RAD51B: variants seen among roughly 807,000 people sequenced by gnomAD.
The protein encoded by RAD51B is DNA repair protein RAD51 homolog 2.
RAD51B carries 38 observed loss-of-function variants against 42.2 expected under a neutral mutation model. That is an observed-to-expected ratio of 0.90 (90% CI 0.70 to 1.18). The LOEUF (loss-of-function observed/expected upper bound fraction) is 1.18. Among genes scored for constraint, RAD51B ranks in the 50% most tolerant of loss-of-function variants. The pLI, the probability that RAD51B is intolerant of heterozygous loss-of-function variation, is 0.00. For synonymous variants in RAD51B, 154 were observed against 145.2 expected (o/e 1.06, Z -0.43); for missense variants, 373 against 400.7 (o/e 0.93, Z 0.59).
intron 4 of RAD51B, among the ~76,000 whole-genome samples, chr14:67,842,333 A>G (rs796452162): frequency 1.2e-4 from 18 of 152,236 alleles, no homozygotes; most frequent in African/African-American, 4.3e-4. Context: ...TCATATTGTC[A>G]GTGAAGAGAG....
At chr14:67,970,495 GTT>G (rs1242491392) in intron 7 of RAD51B, among the ~76,000 whole-genome samples, 1 of 151,240 alleles carries the variant, frequency 6.6e-6, no homozygotes, top group African/African-American at 2.4e-5. Flanking sequence ...TTACCTTTTA[GTT>G]GTTTTTTTTT....
At chr14:68,662,414 A>G (rs1176665285) in intron 11 of RAD51B, among the ~76,000 whole-genome samples, 1 of 152,242 alleles carries the variant, frequency 6.6e-6, no homozygotes, top group Non-Finnish European at 1.5e-5. Context: ...GTTATCCAAG[A>G]TGTCAGCTGC....
intron 10 of RAD51B, among the ~76,000 whole-genome samples, chr14:68,566,923 T>C (rs1343546850): frequency 6.6e-6 from 1 of 152,174 alleles, no homozygotes; most frequent in Non-Finnish European, 1.5e-5. Flanking sequence ...GTTTATTGCT[T>C]TCCCTGTGTA....
intron 11 of RAD51B, among the ~76,000 whole-genome samples, chr14:68,657,078 G>A (rs1566965551): frequency 6.6e-6 from 1 of 152,232 alleles, no homozygotes; most frequent in Non-Finnish European, 1.5e-5. Context: ...GAGTTGCACT[G>A]TCCAGTAGGA....
intron 10 of RAD51B, among the ~76,000 whole-genome samples, chr14:68,545,244 A>G (rs1486596540): frequency 2.6e-5 from 4 of 152,254 alleles, no homozygotes; most frequent in African/African-American, 7.2e-5. Flanking sequence ...ACGGGGACAA[A>G]GTTGGGCTCT....
At position 68,299,507 on chromosome 14, in the gene RAD51B, G is replaced by A. The variant is rs1015373911; in HGVS notation, c.853+7527G>A. ...TCTAGAGATTATTTAAAGTATCCAGGAGGATGTGTGTAGGTTACATGCAAA... is the reference window on the plus strand; with the variant it reads ...TCTAGAGATTATTTAAAGTATCCAGAAGGATGTGTGTAGGTTACATGCAAA... On this transcript the variant is annotated intron_variant, in intron 8 of 10. Coordinates refer to ENST00000471583, the MANE Select transcript of RAD51B (RefSeq NM_133510.4). Among the ~76,000 whole-genome samples, 6 of 152,116 alleles carry A rather than the reference G, an allele frequency of 3.9e-5. No individual in the cohort carries two copies. In the South Asian group the frequency reaches 1.2e-3, roughly 32 times the overall value.
At chr14:68,365,765 CT>C (rs1460361509) in intron 8 of RAD51B, among the ~76,000 whole-genome samples, 3 of 152,126 alleles carry the variant, frequency 2.0e-5, no homozygotes, top group South Asian at 2.1e-4. Flanking sequence ...CCTGTCTTTT[CT>C]TTTTTTACTT....
At chr14:67,883,249 G>A (rs2042967912) in intron 5 of RAD51B, among the ~76,000 whole-genome samples, 1 of 145,784 alleles carries the variant, frequency 6.9e-6, no homozygotes, top group Non-Finnish European at 1.5e-5. Context: ...TTTAAAAAAA[G>A]AAGTCAGATC....
intron 7 of RAD51B, among the ~76,000 whole-genome samples, chr14:68,024,856 G>T (rs950163331): frequency 1.3e-5 from 2 of 151,798 alleles, no homozygotes; most frequent in African/African-American, 4.8e-5. Context: ...TTTTTTGCCT[G>T]ATTGCTGTGG....
chr14:68,113,010 A>G (rs903873156), intron 7 of RAD51B, among the ~76,000 whole-genome samples: 1 of 152,170 alleles, frequency 6.6e-6, no homozygotes, highest in African/African-American at 2.4e-5. Context: ...GACCTACCAT[A>G]TCTAATTTTT....
At chr14:68,279,393 T>G (rs963859778) in intron 7 of RAD51B, among the ~76,000 whole-genome samples, 2 of 152,234 alleles carry the variant, frequency 1.3e-5, no homozygotes, top group African/African-American at 2.4e-5. Flanking sequence ...ACTTTAGGTA[T>G]GTAGGATTGG....
At chr14:68,388,593 G>A (rs1021430298) in intron 8 of RAD51B, among the ~76,000 whole-genome samples, 6 of 151,884 alleles carry the variant, frequency 4.0e-5, no homozygotes, top group East Asian at 1.9e-4. Flanking sequence ...TACATGAGCC[G>A]AACACACACA....
At chr14:68,629,671 G>T (rs940464143) in intron 10 of RAD51B, among the ~76,000 whole-genome samples, 1 of 152,164 alleles carries the variant, frequency 6.6e-6, no homozygotes, top group Non-Finnish European at 1.5e-5. Context: ...CCTGTTTGAG[G>T]CCTGACTGGG....
chr14:68,646,222 G>C (rs895480495), intron 10 of RAD51B, among the ~76,000 whole-genome samples: 1 of 152,052 alleles, frequency 6.6e-6, no homozygotes, highest in Non-Finnish European at 1.5e-5. Flanking sequence ...TCCACTAACA[G>C]TAAGTAAGAA....
chr14:68,345,004 G>T (rs1185032104), intron 8 of RAD51B, among the ~76,000 whole-genome samples: 1 of 150,458 alleles, frequency 6.6e-6, no homozygotes, highest in Admixed American at 6.6e-5. Flanking sequence ...TTTCAGACCT[G>T]CATGGGAACT....
At chr14:67,978,145 C>T (rs896034781) in intron 7 of RAD51B, among the ~76,000 whole-genome samples, 7 of 152,096 alleles carry the variant, frequency 4.6e-5, no homozygotes, top group African/African-American at 1.7e-4. Context: ...CTATTATTTG[C>T]ACATTTTTGG....
At chr14:67,925,037 A>G (rs1011748823) in intron 7 of RAD51B, among the ~76,000 whole-genome samples, 1 of 152,240 alleles carries the variant, frequency 6.6e-6, no homozygotes, top group African/African-American at 2.4e-5. Context: ...TCCAGGCCCC[A>G]TGCAAGTCAA....
chr14:68,680,760 G>C (rs979580668), intron 11 of RAD51B, among the ~76,000 whole-genome samples: 7 of 152,134 alleles, frequency 4.6e-5, no homozygotes, highest in Non-Finnish European at 7.4e-5. Flanking sequence ...TTAATGATCT[G>C]TTTCCTTCAA....
intron 8 of RAD51B, among the ~76,000 whole-genome samples, chr14:68,332,385 A>T (rs2180769): frequency 0.48 from 73,315 of 152,166 alleles, 20,834 homozygotes; most frequent in South Asian, 0.65. Context: ...AAAGGTAATT[A>T]ATCAAAATAC....
Sources: allele counts gnomAD v4.1 joint callset (sites outside exome capture counted in the v4.1 genomes callset), GRCh38; gene constraint gnomAD v4.1.1; transcripts MANE v1.5; gene names NCBI Gene and HGNC (gene_info 2026-07-23, HGNC 2026-07-21).